The following TTC28 variants were observed in gnomAD, a reference collection of about 807,000 sequenced individuals.
TTC28 encodes tetratricopeptide repeat domain 28, also known as tetratricopeptide repeat protein 28.
A neutral mutation model predicts 198.0 loss-of-function variants in TTC28; 61 were observed. That is an observed-to-expected ratio of 0.31 (90% CI 0.25 to 0.38). TTC28 has a LOEUF of 0.38. TTC28 is among the 10% of genes least tolerant of loss of function. The probability of loss-of-function intolerance (pLI) is 1.00; values close to 1 mark genes in which losing one functional copy is unlikely to be tolerated. For missense variants in TTC28, 2,678 were observed against 3,164.0 expected (o/e 0.85, Z 3.69); for synonymous variants, 1,171 against 1,297.8 (o/e 0.90, Z 2.10).
At chr22:28,274,481 C>T (rs1195006169) in intron 5 of TTC28, among the ~76,000 whole-genome samples, 1 of 152,134 alleles carries the variant, frequency 6.6e-6, no homozygotes, top group African/African-American at 2.4e-5. Context: ...GAAATAGGTG[C>T]TTAATTTATA....
At position 27,983,517 on chromosome 22, in the gene TTC28, G is replaced by A. The variant is rs750841575; in HGVS notation, c.6150C>T (p.Asn2050=). Residue 2050 remains asparagine, a synonymous_variant, in exon 23 of 23, where the codon AAC becomes AAT. Transcript: ENST00000397906. ...ACCCTTCATATTCTTCTTCATCTTT[G>A]TTGCCTGCAGGGCGGGTCTGGGGAG... The part of the protein sequence containing the change: ...QLPPQTRPAG[N]KDEEEYEGFS... 9.0e-6 allele frequency: 14 copies of A among 1,549,826 alleles called. No individual in the cohort carries two copies. The highest frequency in any genetic ancestry group is 1.2e-5 in the Non-Finnish European group (14 of 1,146,530).
At chr22:28,285,859 G>T (rs1169188678) in intron 5 of TTC28, among the ~76,000 whole-genome samples, 1 of 152,010 alleles carries the variant, frequency 6.6e-6, no homozygotes, top group East Asian at 1.9e-4. Context: ...GTTTGTAATG[G>T]CAAGAAAACA....
At position 28,419,111 on chromosome 22, in the gene TTC28, A is replaced by G. The variant is rs540279749; in HGVS notation, c.382-112468T>C. ...TTTTGTTGAATCTACTGTCACTCTGAAGAACCTAAGAGCCAAAGAACCCCT... is the reference window on the plus strand; with the variant it reads ...TTTTGTTGAATCTACTGTCACTCTGGAGAACCTAAGAGCCAAAGAACCCCT... On this transcript the variant is annotated intron_variant, in intron 2 of 22. Coordinates refer to ENST00000397906, the MANE Select transcript of TTC28 (RefSeq NM_001145418.2). Among the ~76,000 whole-genome samples the G allele has an allele frequency of 3.9e-5, 6 of 152,294 alleles. No homozygotes were observed. The South Asian group carries it at 1.2e-3, about 32-fold the overall frequency.
At chr22:28,198,085 CA>C (rs1216330433) in intron 5 of TTC28, among the ~76,000 whole-genome samples, 1 of 152,080 alleles carries the variant, frequency 6.6e-6, no homozygotes, top group Non-Finnish European at 1.5e-5. Flanking sequence ...ACAAACTCGT[CA>C]GAACAAATCA....
At chr22:28,243,382 A>C (rs1159422406) in intron 5 of TTC28, among the ~76,000 whole-genome samples, 1 of 150,366 alleles carries the variant, frequency 6.7e-6, no homozygotes, top group African/African-American at 2.5e-5. Flanking sequence ...AAAACAAAAC[A>C]AAAAAACCTG....
intron 2 of TTC28, among the ~76,000 whole-genome samples, chr22:28,593,682 G>A (rs566962976): frequency 6.6e-6 from 1 of 152,288 alleles, no homozygotes; most frequent in East Asian, 1.9e-4. Context: ...AGTTTTTACT[G>A]TACACTCTTT....
At chr22:28,493,005 A>G (rs2048399725) in intron 2 of TTC28, among the ~76,000 whole-genome samples, 1 of 150,786 alleles carries the variant, frequency 6.6e-6, no homozygotes, top group Non-Finnish European at 1.5e-5. Context: ...AGGACAACAG[A>G]TTGACACACC....
At chr22:28,481,424 T>C (rs1201925310) in intron 2 of TTC28, among the ~76,000 whole-genome samples, 5 of 152,188 alleles carry the variant, frequency 3.3e-5, no homozygotes, top group East Asian at 1.9e-4. Context: ...AAAGTTGTGT[T>C]TTTTTAAACA....
At chr22:28,440,040 T>C (rs968519567) in intron 2 of TTC28, among the ~76,000 whole-genome samples, 3 of 152,204 alleles carry the variant, frequency 2.0e-5, no homozygotes, top group African/African-American at 7.2e-5. Flanking sequence ...TTCACCATGC[T>C]GGCCAGGCCG....
In TTC28 at chr22:28,307,661, C is replaced by T. The variant is rs535009424; in HGVS notation, c.382-1018G>A. Among the ~76,000 whole-genome samples the T allele has an allele frequency of 5.9e-5, 9 of 152,242 alleles. No individual in the cohort carries two copies. In the South Asian group the frequency reaches 1.9e-3, roughly 32 times the overall value. On this transcript the variant is annotated intron_variant, in intron 2 of 22. Transcript: ENST00000397906. ...ATACAACCAGCAAATTAGGTGTTTA[C>T]CTAATTAAATAATACATACAAATAA...
At chr22:28,346,432 T>C (rs935925467) in intron 2 of TTC28, among the ~76,000 whole-genome samples, 5 of 152,218 alleles carry the variant, frequency 3.3e-5, no homozygotes, top group Non-Finnish European at 7.3e-5. Flanking sequence ...TTATGTTCAC[T>C]GGAAAATTCC....
chr22:28,225,869 AT>A (rs1928301478), intron 5 of TTC28, among the ~76,000 whole-genome samples: 1 of 152,222 alleles, frequency 6.6e-6, no homozygotes, highest in Non-Finnish European at 1.5e-5. Flanking sequence ...AGAGCTTCAT[AT>A]AAGTGAAATC....
intron 6 of TTC28, among the ~76,000 whole-genome samples, chr22:28,152,503 C>T (rs1333550602): frequency 6.6e-6 from 1 of 152,274 alleles, no homozygotes; most frequent in South Asian, 2.1e-4. Context: ...GGCTCTCCCT[C>T]ATACTCTATA....
At chr22:28,477,418 C>T (rs1409939983) in intron 2 of TTC28, among the ~76,000 whole-genome samples, 1 of 152,318 alleles carries the variant, frequency 6.6e-6, no homozygotes, top group East Asian at 1.9e-4. Context: ...TTTCACTTAT[C>T]ACTCTATCCC....
At chr22:28,613,486 G>C (rs555068354) in intron 2 of TTC28, among the ~76,000 whole-genome samples, 1 of 152,234 alleles carries the variant, frequency 6.6e-6, no homozygotes, top group East Asian at 1.9e-4. Flanking sequence ...AATGGGCAGA[G>C]ACACAACAAA....
At chr22:28,611,114 G>A (rs912251187) in intron 2 of TTC28, among the ~76,000 whole-genome samples, 1 of 152,200 alleles carries the variant, frequency 6.6e-6, no homozygotes, top group African/African-American at 2.4e-5. Context: ...ACCTGAAAGT[G>A]ATGAGGAAAA....
chr22:28,018,244 AGTGTGTGTGTGT>A (rs138612299), intron 13 of TTC28, among the ~76,000 whole-genome samples: 8 of 114,974 alleles, frequency 7.0e-5, no homozygotes, highest in Admixed American at 9.7e-5. Context: ...GCTGCTATTC[AGTGTGTGTGTGT>A]GTGTGTGTGT....
chr22:28,059,091 T>C (rs1158687061), intron 12 of TTC28, among the ~76,000 whole-genome samples: 1 of 152,008 alleles, frequency 6.6e-6, no homozygotes, highest in African/African-American at 2.4e-5. Context: ...CTCCGTTTTC[T>C]CTTTCATGGA....
intron 2 of TTC28, among the ~76,000 whole-genome samples, chr22:28,370,445 A>G (rs988313973): frequency 6.6e-6 from 1 of 152,200 alleles, no homozygotes; most frequent in Non-Finnish European, 1.5e-5. Context: ...TACATACTGT[A>G]TTTCTTTAAA....
Sources: allele counts gnomAD v4.1 joint callset (sites outside exome capture counted in the v4.1 genomes callset), GRCh38; gene constraint gnomAD v4.1.1; transcripts MANE v1.5; gene names NCBI Gene and HGNC (gene_info 2026-07-23, HGNC 2026-07-21).